Variants in PDE1A observed in about 807,000 individuals in gnomAD.
PDE1A encodes the protein dual specificity calcium/calmodulin-dependent 3',5'-cyclic nucleotide phosphodiesterase 1A.
In PDE1A, 35 loss-of-function variants were observed where a neutral mutation model predicts 61.7. The ratio of observed to expected loss-of-function variants is 0.57; its 90% CI spans 0.43 to 0.75. The LOEUF (loss-of-function observed/expected upper bound fraction) is 0.75, where lower values mean the gene tolerates loss of function less well. Ranked by LOEUF, PDE1A falls within the 30% of genes least tolerant of loss-of-function variation. The pLI, the probability that PDE1A is intolerant of heterozygous loss-of-function variation, is 0.00. For missense variants in PDE1A, 597 were observed against 630.6 expected (o/e 0.95, Z 0.57); for synonymous variants, 232 against 213.2 (o/e 1.09, Z -0.77).
intron 4 of PDE1A, among the ~76,000 whole-genome samples, chr2:182,233,890 G>A (rs568966813): frequency 7.9e-4 from 120 of 151,912 alleles, no homozygotes; most frequent in African/African-American, 2.8e-3. Flanking sequence ...CATATGTAGC[G>A]CTGCAATTGG....
intron 1 of PDE1A, among the ~76,000 whole-genome samples, chr2:182,355,046 A>G (rs1699099313): frequency 6.6e-6 from 1 of 152,030 alleles, no homozygotes; most frequent in South Asian, 2.1e-4. Context: ...TGGAGTATTT[A>G]TTTTACAATT....
chr2:182,468,370 T>A (rs1056182794), intron 2 of PDE1A, among the ~76,000 whole-genome samples: 1 of 152,110 alleles, frequency 6.6e-6, no homozygotes, highest in Non-Finnish European at 1.5e-5. Context: ...AGAAGTAGAT[T>A]CCATCTCAAT....
At chr2:182,596,971 T>C in the PDE1A span, among the ~76,000 whole-genome samples, 7 of 151,676 alleles carry the variant, frequency 4.6e-5, no homozygotes, top group Middle Eastern at 3.4e-3. Context: ...CTGGGCAACA[T>C]GGCAAACCCC....
chr2:182,188,514 C>A (rs1009593157), intron 11 of PDE1A, among the ~76,000 whole-genome samples: 3 of 152,168 alleles, frequency 2.0e-5, no homozygotes, highest in African/African-American at 7.2e-5. Flanking sequence ...TATCATTTTG[C>A]AAATTTCCTG....
intron 3 of PDE1A, among the ~76,000 whole-genome samples, chr2:182,235,292 C>A (rs574684670): frequency 2.6e-5 from 4 of 152,050 alleles, no homozygotes; most frequent in African/African-American, 9.7e-5. Context: ...TACAGGCATG[C>A]GCCACCATGC....
chr2:182,372,230 C>T (rs1000716520), intron 1 of PDE1A, among the ~76,000 whole-genome samples: 1 of 152,156 alleles, frequency 6.6e-6, no homozygotes, highest in African/African-American at 2.4e-5. Flanking sequence ...TGTATTTATA[C>T]AACTCATCTA....
the PDE1A span, among the ~76,000 whole-genome samples, chr2:182,712,211 A>C: frequency 6.6e-6 from 1 of 152,248 alleles, no homozygotes; most frequent in African/African-American, 2.4e-5. Context: ...AAGTCAAGGA[A>C]AAACTGAAGA....
the PDE1A span, among the ~76,000 whole-genome samples, chr2:182,668,284 C>G: frequency 1.3e-5 from 2 of 152,070 alleles, no homozygotes; most frequent in Non-Finnish European, 2.9e-5. Flanking sequence ...GCAGTCAAGA[C>G]AGGAGATATG....
chr2:182,626,776 TATATAC>T, the PDE1A span, among the ~76,000 whole-genome samples: 159 of 3,924 alleles, frequency 0.041, 17 homozygotes, highest in Non-Finnish European at 0.044. Context: ...TATATACATA[TATATAC>T]ATATATATAC....
chr2:182,713,569 T>G, the PDE1A span, among the ~76,000 whole-genome samples: 8 of 152,164 alleles, frequency 5.3e-5, no homozygotes, highest in Non-Finnish European at 8.8e-5. Flanking sequence ...AAGCAGAGAT[T>G]GCAATGAGCC....
At chr2:182,485,113 C>A (rs1687934436) in intron 2 of PDE1A, among the ~76,000 whole-genome samples, 1 of 152,006 alleles carries the variant, frequency 6.6e-6, no homozygotes. Context: ...ATGGAATTAA[C>A]CTAAATGCCT....
At chr2:182,484,350 T>C (rs1173618649) in intron 2 of PDE1A, among the ~76,000 whole-genome samples, 3 of 151,832 alleles carry the variant, frequency 2.0e-5, no homozygotes, top group Non-Finnish European at 4.4e-5. Context: ...ACAAACATTA[T>C]ATAAAAATCA....
chr2:182,658,830 T>G, the PDE1A span, among the ~76,000 whole-genome samples: 2 of 152,222 alleles, frequency 1.3e-5, no homozygotes, highest in Non-Finnish European at 2.9e-5. Context: ...TCTCTTTGTA[T>G]GCATACAAGT....
At chr2:182,701,644 A>G in the PDE1A span, among the ~76,000 whole-genome samples, 1 of 152,058 alleles carries the variant, frequency 6.6e-6, no homozygotes, top group African/African-American at 2.4e-5. Context: ...GGCCTCCCAA[A>G]GTTACAGGTG....
At chr2:182,232,978 T>C (rs1481630) in intron 4 of PDE1A, among the ~76,000 whole-genome samples, 34,746 of 152,110 alleles carry the variant, frequency 0.23, 4,308 homozygotes, top group East Asian at 0.33. Flanking sequence ...AAAATAAGAA[T>C]TATTTAACTA....
intron 13 of PDE1A, among the ~76,000 whole-genome samples, chr2:182,161,701 A>G (rs1445385838): frequency 6.6e-6 from 1 of 152,132 alleles, no homozygotes; most frequent in Non-Finnish European, 1.5e-5. Flanking sequence ...GAGGTGCGCT[A>G]TACTCCAAAA....
At chr2:182,147,721 A>G (rs78578105) in intron 13 of PDE1A, among the ~76,000 whole-genome samples, 3,545 of 152,306 alleles carry the variant, frequency 0.023, 134 homozygotes, top group African/African-American at 0.08. Flanking sequence ...AAATAGAAGT[A>G]TAAAGCAGAA....
chr2:182,629,672 A>G, the PDE1A span, among the ~76,000 whole-genome samples: 1 of 152,154 alleles, frequency 6.6e-6, no homozygotes, highest in South Asian at 2.1e-4. Flanking sequence ...ATGGGCATTC[A>G]CTTTGTTTCC....
the PDE1A span, among the ~76,000 whole-genome samples, chr2:182,661,238 T>C: frequency 2.0e-5 from 3 of 152,232 alleles, no homozygotes; most frequent in Non-Finnish European, 4.4e-5. Context: ...CTCTGGATAA[T>C]TTAAGATGCT....
Sources: allele counts gnomAD v4.1 joint callset (sites outside exome capture counted in the v4.1 genomes callset), GRCh38; gene constraint gnomAD v4.1.1; transcripts MANE v1.5; gene names NCBI Gene and HGNC (gene_info 2026-07-23, HGNC 2026-07-21).